SNX9: variants seen among roughly 807,000 people sequenced by gnomAD.
SNX9 encodes sorting nexin-9.
SNX9 carries 44 observed loss-of-function variants against 89.4 expected under a neutral mutation model. The ratio of observed to expected loss-of-function variants is 0.49; its 90% CI spans 0.39 to 0.63. The LOEUF (loss-of-function observed/expected upper bound fraction) is 0.63, where lower values mean the gene tolerates loss of function less well. Among genes scored for constraint, SNX9 ranks in the 30% least tolerant of loss-of-function variants. The probability of loss-of-function intolerance (pLI) is 0.00; values close to 1 mark genes in which losing one functional copy is unlikely to be tolerated. For missense variants in SNX9, 578 were observed against 736.1 expected (o/e 0.79, Z 2.49); for synonymous variants, 236 against 247.8 (o/e 0.95, Z 0.45).
Position 157,823,371 on chromosome 6 carries a change from T to C in SNX9, c.-64T>C. The C allele has an allele frequency of 7.9e-7, 1 of 1,264,060 alleles. No homozygotes were observed. Among genetic ancestry groups the C allele is most frequent in the Non-Finnish European group, 1.0e-6 (1 of 996,956 alleles). 78.3% of individuals were successfully genotyped at this position (1,264,060 alleles called of 1,614,324 possible). On this transcript the variant is annotated 5_prime_UTR_variant, in exon 1 of 18. Coordinates refer to ENST00000392185, the MANE Select transcript of SNX9 (RefSeq NM_016224.5). The surrounding 1 kb of genome is among the most constrained non-coding windows in gnomAD (Gnocchi z 4.6). ...TCGCCCTTGCCTTTGCCTGCGCGGC[T>C]CAGAATCACCATCCGCGGCGCGGGA... is the stretch of plus-strand genomic sequence containing the variant.
intron 1 of SNX9, among the ~76,000 whole-genome samples, chr6:157,858,717 A>C (rs1782061977): frequency 1.3e-5 from 2 of 152,206 alleles, no homozygotes; most frequent in Non-Finnish European, 2.9e-5. Context: ...ACAATTCCAC[A>C]TGGCTGGGGA....
At chr6:157,834,368 A>G (rs928162463) in intron 1 of SNX9, among the ~76,000 whole-genome samples, 3 of 144,884 alleles carry the variant, frequency 2.1e-5, no homozygotes, top group African/African-American at 7.7e-5. Flanking sequence ...TTTTGTAGAG[A>G]CGGGGTCTCA....
At position 157,896,982 on chromosome 6, in the gene SNX9, G is replaced by C; in HGVS notation, c.456G>C (p.Gln152His). Residue 152 changes from glutamine (Q) to histidine (H), a missense_variant, in exon 5 of 18, where the codon CAG becomes CAC. Transcript: ENST00000392185. ...NNWDTAFGHP[Q>H]AYQGPATGDD... Reference sequence around the variant, plus strand: ...GGGACACTGCCTTCGGCCACCCCCAGGCCTACCAAGGACCAGGTGAGGAGA... The same window carrying C: ...GGGACACTGCCTTCGGCCACCCCCACGCCTACCAAGGACCAGGTGAGGAGA... The C allele has an allele frequency of 1.9e-6, 3 of 1,601,506 alleles. No homozygotes were observed. Among genetic ancestry groups the C allele is most frequent in the East Asian group, 2.2e-5 (1 of 44,810 alleles).
intron 9 of SNX9, among the ~76,000 whole-genome samples, chr6:157,920,682 T>G (rs1215333355): frequency 6.6e-6 from 1 of 152,226 alleles, no homozygotes; most frequent in Non-Finnish European, 1.5e-5. Flanking sequence ...GCTTTATAGT[T>G]GCTTTTGAGG....
chr6:157,872,846 G>A, intron 2 of SNX9: 1 of 301,926 alleles, frequency 3.3e-6, no homozygotes, highest in Non-Finnish European at 6.2e-6. Context: ...ACAAGATGAG[G>A]GTCATCTAAT....
At position 157,878,172 on chromosome 6, in the gene SNX9, A is replaced by G. The variant is rs1782554896; in HGVS notation, c.300+2996A>G. ...TGAGCAGAGTTGCTGGTGTCAAGGC[A>G]GTGTTGCTGCATCCAGGTCCCTGGC... On this transcript the variant is annotated intron_variant, in intron 4 of 17. Coordinates refer to ENST00000392185, the MANE Select transcript of SNX9 (RefSeq NM_016224.5). 1.3e-5 allele frequency among the ~76,000 whole-genome samples: 2 copies of G among 152,170 alleles called. 1 individual carries two copies. The highest frequency in any genetic ancestry group is 4.1e-4 in the South Asian group (2 of 4,838).
At chr6:157,921,057 A>G (rs1783572766) in intron 9 of SNX9, among the ~76,000 whole-genome samples, 1 of 152,252 alleles carries the variant, frequency 6.6e-6, no homozygotes. Flanking sequence ...ATTTGGACAC[A>G]TTTTGATAAT....
intron 1 of SNX9, among the ~76,000 whole-genome samples, chr6:157,848,196 A>G (rs559107112): frequency 6.6e-6 from 1 of 152,216 alleles, no homozygotes; most frequent in Admixed American, 6.5e-5. Context: ...CTAGAACAGC[A>G]TTCATGGTAC....
In SNX9 at chr6:157,897,011, G is replaced by A. The variant is rs1336900798; in HGVS notation, c.472+13G>A. 2 of 1,571,314 alleles carry A rather than the reference G, an allele frequency of 1.3e-6. No homozygotes were observed. Among genetic ancestry groups the A allele is most frequent in the Admixed American group, 2.0e-5 (1 of 49,166 alleles). ...TACCAAGGACCAGGTGAGGAGAGGG[G>A]TGCAAGGTCCCACCCTGCCCGCCCA... On this transcript the variant is annotated intron_variant, in intron 5 of 17. Coordinates refer to ENST00000392185, the MANE Select transcript of SNX9 (RefSeq NM_016224.5).
At chr6:157,853,924 A>G (rs1198303868) in intron 1 of SNX9, among the ~76,000 whole-genome samples, 1 of 152,206 alleles carries the variant, frequency 6.6e-6, no homozygotes, top group African/African-American at 2.4e-5. Flanking sequence ...TTTGAGACCA[A>G]GACTTTAAGG....
At chr6:157,875,206 G>A (rs770988316) in intron 4 of SNX9, 30 bp downstream of exon 4, 3 of 1,589,976 alleles carry the variant, frequency 1.9e-6, no homozygotes, top group East Asian at 4.5e-5. Flanking sequence ...TCTGGATGTG[G>A]CTGGCTTTAC....
At chr6:157,900,912 A>G (rs918235782) in intron 5 of SNX9, among the ~76,000 whole-genome samples, 7 of 152,216 alleles carry the variant, frequency 4.6e-5, no homozygotes, top group Non-Finnish European at 7.3e-5. Context: ...AGAAGGGAGT[A>G]TGCCTTAACC....
chr6:157,942,889 C>A lies in SNX9; in HGVS notation c.*51C>A. The A allele has an allele frequency of 6.6e-7, 1 of 1,522,056 alleles. No homozygotes were observed. The highest frequency in any genetic ancestry group is 8.9e-7 in the Non-Finnish European group (1 of 1,126,526). The allele number at this position is 1,522,056 out of a possible 1,614,324, so 94.3% of individuals were successfully genotyped here. A position where few individuals can be genotyped will look rare whatever the true frequency, so the allele number is the denominator to read the frequency against. On this transcript the variant is annotated 3_prime_UTR_variant, in exon 18 of 18. Coordinates refer to ENST00000392185, the MANE Select transcript of SNX9 (RefSeq NM_016224.5). ...CCGCGTGCTTTCTCCTGACTTGGGG[C>A]AATGCAATTCAAAACTTTTTTTCCC...
At chr6:157,856,429 G>A (rs1453798616) in intron 1 of SNX9, among the ~76,000 whole-genome samples, 1 of 152,160 alleles carries the variant, frequency 6.6e-6, no homozygotes, top group Non-Finnish European at 1.5e-5. Flanking sequence ...TCATCTGTAA[G>A]TATTTTCATG....
chr6:157,856,171 C>T (rs1782007869), intron 1 of SNX9, among the ~76,000 whole-genome samples: 1 of 152,210 alleles, frequency 6.6e-6, no homozygotes, highest in Admixed American at 6.5e-5. Context: ...CATAAAGTCT[C>T]CTCTACTGCA....
chr6:157,939,587 A>G (rs536646282), intron 16 of SNX9, among the ~76,000 whole-genome samples: 41 of 152,290 alleles, frequency 2.7e-4, no homozygotes, highest in African/African-American at 9.6e-4. Flanking sequence ...AGAATGAAGC[A>G]CATTTGCAGG....
intron 1 of SNX9, among the ~76,000 whole-genome samples, chr6:157,835,449 G>C (rs1382861396): frequency 8.1e-6 from 1 of 123,442 alleles, no homozygotes; most frequent in Non-Finnish European, 1.6e-5. Context: ...GTCTTGCTCT[G>C]TTGCCCAGGC....
Position 157,834,127 on chromosome 6 carries a change from C to T in SNX9, c.12+10681C>T, listed in dbSNP as rs960933869. Among the ~76,000 whole-genome samples, 10 of 133,966 alleles carry T rather than the reference C, an allele frequency of 7.5e-5. No individual in the cohort carries two copies. In the South Asian group the frequency reaches 2.5e-3, roughly 33 times the overall value. The allele number at this position is 133,966 out of a possible 152,430, so 87.9% of individuals were successfully genotyped here. A position where few individuals can be genotyped will look rare whatever the true frequency, so the allele number is the denominator to read the frequency against. Reference sequence around the variant, plus strand: ...GGCTTGATCTGATCGGATTTTGGATCCTGCCATGTGGTGTCCACTGTGGTT... The same window carrying T: ...GGCTTGATCTGATCGGATTTTGGATTCTGCCATGTGGTGTCCACTGTGGTT... On this transcript the variant is annotated intron_variant, in intron 1 of 17. Coordinates refer to ENST00000392185, the MANE Select transcript of SNX9 (RefSeq NM_016224.5).
rs116973102 is a variant in SNX9 at position 157,849,528 on chromosome 6, A to G, written c.13-18019A>G. Among the ~76,000 whole-genome samples, 977 of 152,354 alleles carry G rather than the reference A, an allele frequency of 6.4e-3. 9 individuals are homozygous for G. Among genetic ancestry groups the G allele is most frequent in the Non-Finnish European group, 6.0e-3 (409 of 68,038 alleles). On this transcript the variant is annotated intron_variant, in intron 1 of 17. Coordinates refer to ENST00000392185, the MANE Select transcript of SNX9 (RefSeq NM_016224.5). ...CTGCAGGCGGAAGATGAATTGGAGC[A>G]AGGCGCAGCAGGTGTGCAGAGGCTG...
Sources: allele counts gnomAD v4.1 joint callset (sites outside exome capture counted in the v4.1 genomes callset), GRCh38; gene constraint gnomAD v4.1.1; non-coding constraint Gnocchi (gnomAD v3.1); transcripts MANE v1.5; gene names NCBI Gene and HGNC (gene_info 2026-07-23, HGNC 2026-07-21).